Variants in ATF7 observed in about 807,000 individuals in gnomAD.
ATF7 encodes the protein activating transcription factor 7.
A neutral mutation model predicts 50.4 loss-of-function variants in ATF7; 10 were observed. That is an observed-to-expected ratio of 0.20 (90% CI 0.12 to 0.34). The LOEUF (loss-of-function observed/expected upper bound fraction) is 0.34, where lower values mean the gene tolerates loss of function less well. ATF7 is among the 10% of genes least tolerant of loss of function. The probability of loss-of-function intolerance (pLI) is 1.00; values close to 1 mark genes in which losing one functional copy is unlikely to be tolerated. For missense variants in ATF7, 465 were observed against 613.9 expected, an observed-to-expected ratio of 0.76 and a Z score of 2.56; for synonymous variants, 201 against 226.4, an observed-to-expected ratio of 0.89 and a Z score of 1.01.
At chr12:53,603,053 A>G (rs1364298554) in intron 1 of ATF7, among the ~76,000 whole-genome samples, 3 of 152,214 alleles carry the variant, frequency 2.0e-5, no homozygotes, top group African/African-American at 4.8e-5. Flanking sequence ...GTCCTCTAAT[A>G]TATTTTCAAC....
At chr12:53,624,286 T>C (rs900010665) in intron 1 of ATF7, among the ~76,000 whole-genome samples, 1 of 152,240 alleles carries the variant, frequency 6.6e-6, no homozygotes, top group Admixed American at 6.5e-5. Context: ...GGCAACTTCT[T>C]GGCCAGGGAG....
At position 53,524,667 on chromosome 12, in the gene ATF7, C is replaced by T; in HGVS notation, c.1022G>A (p.Arg341His). The change falls in exon 10 of 12, where the codon CGC becomes CAC. Residue 341 changes from arginine to histidine, a missense_variant. By Grantham distance (29) the Arg-to-His change is conservative. Coordinates refer to ENST00000420353, the MANE Select transcript of ATF7 (RefSeq NM_006856.3). The surrounding 1 kb of genome is among the most constrained non-coding windows in gnomAD (Gnocchi z 4.6). ...GCAGCGGGAGGCTGCAGCCCGGTTGCGCTCCAGAAAGCGCTGCCGTCGCTC... is the reference window on the plus strand; with the variant it reads ...GCAGCGGGAGGCTGCAGCCCGGTTGTGCTCCAGAAAGCGCTGCCGTCGCTC... ...PDERRQRFLE[R>H]NRAAASRCRQ... is the part of the protein sequence containing the mutation. 6.2e-7 allele frequency: 1 copy of T among 1,613,618 alleles called. No individual in the cohort carries two copies. Among genetic ancestry groups the T allele is most frequent in the Non-Finnish European group, 8.5e-7 (1 of 1,179,898 alleles).
intron 1 of ATF7, among the ~76,000 whole-genome samples, chr12:53,609,019 C>T (rs1164612802): frequency 6.6e-6 from 1 of 152,156 alleles, no homozygotes; most frequent in Non-Finnish European, 1.5e-5. Context: ...AATTTCTCTT[C>T]ATAGGCCAGG....
At chr12:53,557,068 A>G (rs965294336) in intron 2 of ATF7, among the ~76,000 whole-genome samples, 3 of 152,158 alleles carry the variant, frequency 2.0e-5, no homozygotes, top group African/African-American at 7.2e-5. Flanking sequence ...AAAAATAGCT[A>G]AAGTGTTACT....
At chr12:53,581,445 C>A (rs1942421713) in intron 2 of ATF7, among the ~76,000 whole-genome samples, 1 of 152,102 alleles carries the variant, frequency 6.6e-6, no homozygotes, top group African/African-American at 2.4e-5. Flanking sequence ...ACATTCTGGG[C>A]CATATAACAC....
chr12:53,562,949 G>A (rs1404187273), intron 2 of ATF7, among the ~76,000 whole-genome samples: 1 of 152,158 alleles, frequency 6.6e-6, no homozygotes, highest in Non-Finnish European at 1.5e-5. Flanking sequence ...AGATTTTAAA[G>A]GAATGTAAAA....
intron 11 of ATF7, among the ~76,000 whole-genome samples, chr12:53,520,133 C>T (rs1938024442): frequency 6.6e-6 from 1 of 152,218 alleles, no homozygotes; most frequent in Non-Finnish European, 1.5e-5. Flanking sequence ...TTCCTCCTCA[C>T]TTCCTGGTTG....
chr12:53,609,821 C>CTTTGTTTTTT, intron 1 of ATF7, among the ~76,000 whole-genome samples: 1 of 115,940 alleles, frequency 8.6e-6, no homozygotes, highest in South Asian at 2.9e-4. Context: ...AAATGTTATG[C>CTTTGTTTTTT]TTTTTTTTTT....
downstream of ATF7, among the ~76,000 whole-genome samples, chr12:53,509,046 G>A (rs1393615827): frequency 6.6e-6 from 1 of 152,110 alleles, no homozygotes; most frequent in African/African-American, 2.4e-5. Context: ...TCTAATCCTC[G>A]AGTCCCTTTT....
intron 2 of ATF7, among the ~76,000 whole-genome samples, chr12:53,584,526 T>G (rs1942587895): frequency 6.6e-6 from 1 of 152,200 alleles, no homozygotes; most frequent in Admixed American, 6.5e-5. Flanking sequence ...GTGATCACAC[T>G]CATTGATATT....
chr12:53,546,517 C>T (rs1020658398), intron 3 of ATF7, among the ~76,000 whole-genome samples: 6 of 150,708 alleles, frequency 4.0e-5, no homozygotes, highest in Admixed American at 6.6e-5. Context: ...AATGTGATCT[C>T]GGCTCACTGC....
At chr12:53,601,371 G>A (rs532212234) in intron 1 of ATF7, among the ~76,000 whole-genome samples, 3 of 152,230 alleles carry the variant, frequency 2.0e-5, no homozygotes, top group Middle Eastern at 3.4e-3. Flanking sequence ...CGCTCGATGC[G>A]GAAGCCATAT....
chr12:53,600,430 T>C (rs1943347404), intron 2 of ATF7, among the ~76,000 whole-genome samples: 2 of 151,828 alleles, frequency 1.3e-5, no homozygotes, highest in Non-Finnish European at 1.5e-5. Flanking sequence ...AACCTCCACC[T>C]CTTGGGCTCA....
chr12:53,549,573 T>C (rs1334696770), intron 3 of ATF7, among the ~76,000 whole-genome samples: 1 of 151,948 alleles, frequency 6.6e-6, no homozygotes. Context: ...CAGGCTAATT[T>C]TGTATTTTTT....
rs146424020 is a variant in ATF7, at chr12:53,577,411, T to C, written c.48+23542A>G. Among the ~76,000 whole-genome samples the C allele has an allele frequency of 2.1e-3, 317 of 151,084 alleles. 1 individual carries two copies. Among genetic ancestry groups the C allele is most frequent in the African/African-American group, 7.5e-3 (308 of 41,046 alleles). Reference sequence around the variant, plus strand: ...TACAAAAGGTATAATATGTGCATAATAGGAGAAAGAAAGAAACACACACGG... The same window carrying C: ...TACAAAAGGTATAATATGTGCATAACAGGAGAAAGAAAGAAACACACACGG... On this transcript the variant is annotated intron_variant, in intron 2 of 11. Coordinates refer to ENST00000420353, the MANE Select transcript of ATF7 (RefSeq NM_006856.3).
At chr12:53,542,798 C>G (rs1475416192) in intron 4 of ATF7, 4 of 453,516 alleles carry the variant, frequency 8.8e-6, no homozygotes, top group Non-Finnish European at 8.7e-6. Context: ...CTTTGAAAGA[C>G]AGTAGGAACA....
intron 2 of ATF7, among the ~76,000 whole-genome samples, chr12:53,563,402 C>G (rs1941265351): frequency 6.6e-6 from 1 of 151,836 alleles, no homozygotes; most frequent in Admixed American, 6.6e-5. Flanking sequence ...AATTGCTTGA[C>G]CCCAAGAGTT....
At chr12:53,543,557 G>A (rs1939699552) in intron 3 of ATF7, 109 bp from the exon 4 acceptor site, 2 of 1,258,874 alleles carry the variant, frequency 1.6e-6, no homozygotes, top group Non-Finnish European at 2.1e-6. Flanking sequence ...TGGAGAGAGA[G>A]TCTTTGTGTT....
chr12:53,515,640 AAAGT>A lies in ATF7; in HGVS notation c.*1493_*1496del, dbSNP rs1424889652. 6.6e-6 allele frequency: 1 copy of A among 152,192 alleles called. No individual in the cohort carries two copies. Among genetic ancestry groups the A allele is most frequent in the Admixed American group, 6.5e-5 (1 of 15,272 alleles). The allele number at this position is 152,192 out of a possible 1,614,324, so 9.4% of individuals were successfully genotyped here. ...TGCTCCCTCTGCAACCCAACTCTTC[AAAGT>A]AAGAATGGTTGAGAGCAATAGTCAC... On this transcript the variant is annotated 3_prime_UTR_variant, in exon 12 of 12. Coordinates refer to ENST00000420353, the MANE Select transcript of ATF7 (RefSeq NM_006856.3).
Sources: gnomAD v4.1 joint callset for allele counts (sites outside exome capture counted in the v4.1 genomes callset) on GRCh38, gnomAD v4.1.1 for gene constraint, Gnocchi (gnomAD v3.1) non-coding constraint, MANE v1.5 for transcripts, NCBI Gene and HGNC (gene_info 2026-07-23, HGNC 2026-07-21) for gene names.